Variants in LHFPL6 observed in about 807,000 individuals in gnomAD.
LHFPL6 encodes the protein LHFPL tetraspan subfamily member 6 protein.
In LHFPL6, 9 loss-of-function variants were observed where a neutral mutation model predicts 20.6. The observed-to-expected ratio is 0.44, with a 90% CI of 0.26 to 0.76. LHFPL6 has a LOEUF of 0.76. Among genes scored for constraint, LHFPL6 ranks in the 30% least tolerant of loss-of-function variants. The pLI is 0.20. For synonymous variants in LHFPL6, 105 were observed against 98.7 expected (o/e 1.06, Z -0.38); for missense variants, 218 against 253.5 (o/e 0.86, Z 0.95).
At chr13:39,504,170 GAAT>G (rs894216495) in intron 2 of LHFPL6, among the ~76,000 whole-genome samples, 26 of 152,132 alleles carry the variant, frequency 1.7e-4, no homozygotes, top group African/African-American at 6.3e-4. Context: ...CTGTAGCACA[GAAT>G]AATGTTTTAA....
In LHFPL6 at chr13:39,399,860, G is replaced by A. The variant is rs909610069; in HGVS notation, c.386-21334C>T. On this transcript the variant is annotated intron_variant, in intron 2 of 3. Coordinates refer to ENST00000379589, the MANE Select transcript of LHFPL6 (RefSeq NM_005780.3). ...TGTAATCCCAGCACTTTGGGAGACC[G>A]AGGCAGGTGGATCACCTGAGGTTGG... Among the ~76,000 whole-genome samples, 8 of 152,150 alleles carry A rather than the reference G, an allele frequency of 5.3e-5. No individual in the cohort carries two copies. In the South Asian group the frequency reaches 6.2e-4, roughly 12 times the overall value.
intron 2 of LHFPL6, among the ~76,000 whole-genome samples, chr13:39,538,576 G>A (rs184529649): frequency 5.3e-5 from 8 of 150,916 alleles, no homozygotes; most frequent in East Asian, 2.0e-4. Context: ...GTGTCATGAC[G>A]AAAGGTACAT....
At chr13:39,441,852 A>G (rs1349084518) in intron 2 of LHFPL6, among the ~76,000 whole-genome samples, 2 of 135,154 alleles carry the variant, frequency 1.5e-5, no homozygotes, top group Non-Finnish European at 3.1e-5. Flanking sequence ...TTTTTGAGAC[A>G]GAGTTTCACT....
At chr13:39,578,586 G>C (rs1269911477) in intron 2 of LHFPL6, among the ~76,000 whole-genome samples, 1 of 152,154 alleles carries the variant, frequency 6.6e-6, no homozygotes, top group African/African-American at 2.4e-5. Context: ...AGGACACGGG[G>C]CAAGCAAGTC....
At chr13:39,571,672 G>A (rs1871920256) in intron 2 of LHFPL6, among the ~76,000 whole-genome samples, 1 of 152,232 alleles carries the variant, frequency 6.6e-6, no homozygotes, top group South Asian at 2.1e-4. Context: ...TGCCCTTGAC[G>A]GCGGAGGGCA....
At chr13:39,425,017 A>G (rs1871601046) in intron 2 of LHFPL6, among the ~76,000 whole-genome samples, 1 of 152,160 alleles carries the variant, frequency 6.6e-6, no homozygotes, top group Admixed American at 6.6e-5. Context: ...GATAATGAAC[A>G]TATCTATCAC....
chr13:39,366,383 G>A (rs1434814725), intron 3 of LHFPL6, among the ~76,000 whole-genome samples: 1 of 152,086 alleles, frequency 6.6e-6, no homozygotes, highest in Non-Finnish European at 1.5e-5. Flanking sequence ...TCATTGCTGT[G>A]CTAATTAGTA....
chr13:39,352,837 G>A (rs9548740), intron 3 of LHFPL6, among the ~76,000 whole-genome samples: 2 of 116,932 alleles, frequency 1.7e-5, no homozygotes, highest in African/African-American at 3.4e-5. Flanking sequence ...ATATATATGT[G>A]TATATATATA....
chr13:39,373,882 T>C (rs759577535), intron 3 of LHFPL6, among the ~76,000 whole-genome samples: 124 of 152,320 alleles, frequency 8.1e-4, no homozygotes, highest in Admixed American at 1.4e-3. Context: ...CAACAGATGC[T>C]GGCGAGGCTA....
intron 2 of LHFPL6, among the ~76,000 whole-genome samples, chr13:39,435,440 C>G (rs1368672406): frequency 6.6e-6 from 1 of 152,022 alleles, no homozygotes. Flanking sequence ...TACTTAAAGA[C>G]CTTTAGATGA....
chr13:39,465,752 G>A (rs1411948996), intron 2 of LHFPL6, among the ~76,000 whole-genome samples: 1 of 152,172 alleles, frequency 6.6e-6, no homozygotes, highest in African/African-American at 2.4e-5. Flanking sequence ...TGGCCTCGCA[G>A]AACAGAGGTA....
intron 2 of LHFPL6, among the ~76,000 whole-genome samples, chr13:39,415,604 C>A (rs142446764): frequency 6.6e-6 from 1 of 152,180 alleles, no homozygotes; most frequent in African/African-American, 2.4e-5. Context: ...CGGTGCCCCA[C>A]CAGACTGAAC....
chr13:39,509,907 T>G (rs973447943), intron 2 of LHFPL6, among the ~76,000 whole-genome samples: 1 of 152,124 alleles, frequency 6.6e-6, no homozygotes, highest in African/African-American at 2.4e-5. Flanking sequence ...GCCTCTGCAC[T>G]CCAGCCTGGG....
At chr13:39,519,739 C>T (rs895974915) in intron 2 of LHFPL6, among the ~76,000 whole-genome samples, 3 of 152,160 alleles carry the variant, frequency 2.0e-5, no homozygotes, top group African/African-American at 7.2e-5. Flanking sequence ...CATGCTTTCT[C>T]CTTCCATATC....
intron 2 of LHFPL6, among the ~76,000 whole-genome samples, chr13:39,561,661 T>C (rs1367232734): frequency 6.6e-6 from 1 of 152,204 alleles, no homozygotes; most frequent in Non-Finnish European, 1.5e-5. Flanking sequence ...CTTGCTATGA[T>C]GCCCAGGCTG....
chr13:39,388,930 A>C (rs1870635552), intron 2 of LHFPL6, among the ~76,000 whole-genome samples: 3 of 152,184 alleles, frequency 2.0e-5, no homozygotes, highest in Admixed American at 1.3e-4. Context: ...TGGCCGTGGG[A>C]AATCACGTCT....
At chr13:39,406,321 A>G (rs1871111966) in intron 2 of LHFPL6, among the ~76,000 whole-genome samples, 1 of 152,182 alleles carries the variant, frequency 6.6e-6, no homozygotes, top group Non-Finnish European at 1.5e-5. Context: ...AATATTCTCA[A>G]AGTTTCTAAA....
intron 2 of LHFPL6, among the ~76,000 whole-genome samples, chr13:39,592,519 G>T (rs565807076): frequency 8.5e-5 from 13 of 152,258 alleles, no homozygotes; most frequent in Non-Finnish European, 1.8e-4. Context: ...CCAGATGGAT[G>T]CACAGCCGAA....
At chr13:39,382,975 C>T (rs147140514) in intron 2 of LHFPL6, among the ~76,000 whole-genome samples, 84 of 152,236 alleles carry the variant, frequency 5.5e-4, no homozygotes, top group African/African-American at 1.9e-3. Context: ...TATGATCAGG[C>T]TAATTGGCTA....
Sources: allele counts gnomAD v4.1 joint callset (sites outside exome capture counted in the v4.1 genomes callset), GRCh38; gene constraint gnomAD v4.1.1; transcripts MANE v1.5; gene names NCBI Gene and HGNC (gene_info 2026-07-23, HGNC 2026-07-21).